PPP1R8: variants seen among roughly 807,000 people sequenced by gnomAD.
PPP1R8 encodes the protein protein phosphatase 1 regulatory subunit 8, also known as nuclear inhibitor of protein phosphatase 1.
In PPP1R8, 4 loss-of-function variants were observed where a neutral mutation model predicts 31.3. The ratio of observed to expected loss-of-function variants is 0.13; its 90% CI spans 0.06 to 0.29. PPP1R8 has a LOEUF of 0.29. Among genes scored for constraint, PPP1R8 ranks in the 10% least tolerant of loss-of-function variants. The probability of loss-of-function intolerance (pLI) is 1.00; values close to 1 mark genes in which losing one functional copy is unlikely to be tolerated. For synonymous variants in PPP1R8, 170 were observed against 169.7 expected (o/e 1.00, Z -0.01); for missense variants, 254 against 440.1 (o/e 0.58, Z 3.78).
intron 3 of PPP1R8, 121 bp from the exon 4 acceptor site, chr1:27,840,893 A>C: frequency 4.0e-6 from 4 of 997,876 alleles, no homozygotes; most frequent in Non-Finnish European, 6.0e-6. Context: ...CAGACAAAAA[A>C]GCAAAACTGA....
chr1:27,850,140 G>A lies in PPP1R8; in HGVS notation c.750G>A (p.Gly250=). Residue 250 remains glycine, a synonymous_variant, in exon 7 of 7, where the codon GGG becomes GGA. Transcript: ENST00000311772. ...GPGSLGLEES[G]SRRMQNFAFS... ...GCTCCCTGGGCCTGGAGGAATCAGGGAGCAGGCGCATGCAGAACTTTGCCT... is the reference window on the plus strand; with the variant it reads ...GCTCCCTGGGCCTGGAGGAATCAGGAAGCAGGCGCATGCAGAACTTTGCCT... 1 of 1,607,396 alleles carries A rather than the reference G, an allele frequency of 6.2e-7. No individual in the cohort carries two copies. Among genetic ancestry groups the A allele is most frequent in the Non-Finnish European group, 8.5e-7 (1 of 1,175,418 alleles).
Position 27,834,422 on chromosome 1 carries a change from C to T in PPP1R8, c.117+1606C>T, listed in dbSNP as rs762989229. The T allele has an allele frequency of 1.2e-5, 6 of 518,716 alleles. No homozygotes were observed. The Admixed American group carries it at 1.2e-4, about 10-fold the overall frequency. 32.1% of individuals were successfully genotyped at this position (518,716 alleles called of 1,614,324 possible). On this transcript the variant is annotated intron_variant, in intron 2 of 6. Transcript: ENST00000311772. ...TGATCAGCACTTGATACTAACCGAG[C>T]TGTCTATATCCTAGCCTTGTGTCAA... is the stretch of plus-strand genomic sequence containing the variant.
At chr1:27,831,159 A>G (rs1314897151) in intron 1 of PPP1R8, 4 of 1,240,814 alleles carry the variant, frequency 3.2e-6, no homozygotes, top group Non-Finnish European at 4.0e-6. Context: ...CAGTCGCCGG[A>G]GCGCTTCGAG....
chr1:27,847,244 C>T (rs1336148361), intron 6 of PPP1R8, 152 bp downstream of exon 6: 1 of 737,908 alleles, frequency 1.4e-6, no homozygotes, highest in Non-Finnish European at 2.3e-6. Context: ...CAGTGGCTCA[C>T]ACTTGTAATC....
At position 27,850,791 on chromosome 1, in the gene PPP1R8, C is replaced by CT. The variant is rs2089336864; in HGVS notation, c.*346dup. 3 of 205,400 alleles carry CT rather than the reference C, an allele frequency of 1.5e-5. No homozygotes were observed. Among genetic ancestry groups the CT allele is most frequent in the African/African-American group, 2.3e-5 (1 of 43,670 alleles). 12.7% of individuals were successfully genotyped at this position (205,400 alleles called of 1,614,324 possible). ...CCAGGCCCTCAGGTTGAATCCAGAG[C>CT]TGTAGAGGTTACAGTAGCATCACCA... On this transcript the variant is annotated 3_prime_UTR_variant, in exon 7 of 7. Coordinates refer to ENST00000311772, the MANE Select transcript of PPP1R8 (RefSeq NM_014110.5).
rs1198037332 is a variant in PPP1R8, at chr1:27,851,615, TG to T, written c.*1172del. 4.0e-6 allele frequency: 2 copies of T among 504,988 alleles called. No homozygotes were observed. The highest frequency in any genetic ancestry group is 7.9e-6 in the Non-Finnish European group (2 of 252,672). 31.3% of individuals were successfully genotyped at this position (504,988 alleles called of 1,614,324 possible). Reference sequence around the variant, plus strand: ...TTGCTAAAGGCACAGTCACTGGGCTTGGGAGGCAATGCTCCATCCCCATTAT... The same window carrying T: ...TTGCTAAAGGCACAGTCACTGGGCTTGGAGGCAATGCTCCATCCCCATTAT... On this transcript the variant is annotated 3_prime_UTR_variant, in exon 7 of 7. Coordinates refer to ENST00000311772, the MANE Select transcript of PPP1R8 (RefSeq NM_014110.5).
In PPP1R8 at chr1:27,851,640, A is replaced by G. The variant is rs1346678480; in HGVS notation, c.*1194A>G. 3 of 488,082 alleles carry G rather than the reference A, an allele frequency of 6.1e-6. No homozygotes were observed. The highest frequency in any genetic ancestry group is 3.9e-5 in the African/African-American group (2 of 51,440). The allele number at this position is 488,082 out of a possible 1,614,324, so 30.2% of individuals were successfully genotyped here. A position where few individuals can be genotyped will look rare whatever the true frequency, so the allele number is the denominator to read the frequency against. On this transcript the variant is annotated 3_prime_UTR_variant, in exon 7 of 7. Transcript: ENST00000311772. ...TGGGAGGCAATGCTCCATCCCCATT[A>G]TATTACAAATAAAGATGCCCTAAAT...
chr1:27,834,023 C>T (rs2089137481), intron 2 of PPP1R8, among the ~76,000 whole-genome samples: 2 of 152,120 alleles, frequency 1.3e-5, no homozygotes, highest in Non-Finnish European at 2.9e-5. Flanking sequence ...TCTGTAAAAC[C>T]TTTTTTGCTA....
At chr1:27,844,225 C>T (rs1302383600) in intron 5 of PPP1R8, among the ~76,000 whole-genome samples, 1 of 152,006 alleles carries the variant, frequency 6.6e-6, no homozygotes, top group Non-Finnish European at 1.5e-5. Flanking sequence ...CTGGTCTTGA[C>T]CTCCTGGGCT....
At chr1:27,846,537 C>T (rs994344883) in intron 5 of PPP1R8, among the ~76,000 whole-genome samples, 6 of 152,232 alleles carry the variant, frequency 3.9e-5, no homozygotes, top group Non-Finnish European at 5.9e-5. Flanking sequence ...AACCAAAATC[C>T]GTTTTTTTGC....
chr1:27,837,062 G>T (rs1285985704), intron 2 of PPP1R8, among the ~76,000 whole-genome samples: 1 of 152,024 alleles, frequency 6.6e-6, no homozygotes, highest in East Asian at 1.9e-4. Flanking sequence ...CATGCATTGT[G>T]CTTCTTGTTT....
intron 3 of PPP1R8, 125 bp downstream of exon 3, chr1:27,838,977 T>C: frequency 9.9e-7 from 1 of 1,005,554 alleles, no homozygotes; most frequent in East Asian, 2.6e-5. Flanking sequence ...TCCACCCTTC[T>C]CTATTTCTGT....
intron 3 of PPP1R8, 105 bp downstream of exon 3, chr1:27,838,957 G>C: frequency 1.7e-6 from 2 of 1,171,192 alleles, no homozygotes; most frequent in Non-Finnish European, 2.3e-6. Flanking sequence ...GTTAATGTTT[G>C]GTTTTTAAAT....
At chr1:27,831,011 G>C in intron 1 of PPP1R8, 120 bp downstream of exon 1, 1 of 1,424,184 alleles carries the variant, frequency 7.0e-7, no homozygotes, top group Non-Finnish European at 9.2e-7. Flanking sequence ...CGGAATGGTT[G>C]AGGAAAAACT....
chr1:27,841,190 C>G lies in PPP1R8; in HGVS notation c.448C>G (p.Leu150Val). The G allele has an allele frequency of 6.2e-7, 1 of 1,614,230 alleles. No individual in the cohort carries two copies. The highest frequency in any genetic ancestry group is 8.5e-7 in the Non-Finnish European group (1 of 1,180,046). ...GAAGATGGGTGGAGAGGATGATGAACTCAAGGGCTTACTGGGGCTTCCAGA... is the reference window on the plus strand; with the variant it reads ...GAAGATGGGTGGAGAGGATGATGAAGTCAAGGGCTTACTGGGGCTTCCAGA... ...DEKMGGEDDE[L>V]KGLLGLPEEE... The change falls in exon 4 of 7, where the codon CTC becomes GTC. Residue 150 changes from leucine to valine, a missense_variant. Transcript: ENST00000311772.
chr1:27,837,834 T>C (rs1484938142), intron 2 of PPP1R8, among the ~76,000 whole-genome samples: 2 of 151,598 alleles, frequency 1.3e-5, no homozygotes, highest in African/African-American at 2.4e-5. Flanking sequence ...CCCAGCACTT[T>C]AGGAGGCTGA....
chr1:27,832,899 G>T, intron 2 of PPP1R8, 83 bp downstream of exon 2: 2 of 1,182,602 alleles, frequency 1.7e-6, no homozygotes, highest in Non-Finnish European at 2.4e-6. Flanking sequence ...CCTCTCCTGT[G>T]CTTTGTTTTC....
At chr1:27,843,020 G>A (rs181499767) in intron 4 of PPP1R8, among the ~76,000 whole-genome samples, 166 bp from the exon 5 acceptor site, 33 of 152,266 alleles carry the variant, frequency 2.2e-4, no homozygotes, top group East Asian at 1.9e-3. Context: ...GTTAGTATTC[G>A]TAGTCTCGGG....
intron 3 of PPP1R8, among the ~76,000 whole-genome samples, 181 bp from the exon 4 acceptor site, chr1:27,840,833 G>A (rs2089215611): frequency 3.3e-5 from 5 of 152,108 alleles, no homozygotes; most frequent in Admixed American, 3.3e-4. Context: ...TAAAAAGCTG[G>A]AGTTTCTGAC....
Sources: gnomAD v4.1 joint callset for allele counts (sites outside exome capture counted in the v4.1 genomes callset) on GRCh38, gnomAD v4.1.1 for gene constraint, MANE v1.5 for transcripts, NCBI Gene and HGNC (gene_info 2026-07-23, HGNC 2026-07-21) for gene names.